Variants in ZNF672 observed in about 807,000 individuals in gnomAD.
ZNF672 encodes zinc finger protein 672.
For missense variants in ZNF672, 733 were observed against 701.1 expected (o/e 1.05, Z -0.51); for synonymous variants, 358 against 305.6 (o/e 1.17, Z -1.79).
chr1:248,848,011 A>G lies in ZNF672; in HGVS notation c.737A>G (p.Gln246Arg), dbSNP rs377475620. 72 of 1,556,666 alleles carry G rather than the reference A, an allele frequency of 4.6e-5. No individual in the cohort carries two copies. Among genetic ancestry groups the G allele is most frequent in the Non-Finnish European group, 5.6e-5 (64 of 1,151,412 alleles). The change falls in exon 4 of 4, where the codon CAG becomes CGG. Residue 246 changes from glutamine (Q) to arginine (R), a missense_variant. Coordinates refer to ENST00000306562, the MANE Select transcript of ZNF672 (RefSeq NM_024836.3). ...FLESATLVRH[Q>R]RTHTGEKPYA... is the part of the protein sequence containing the mutation. ...GAGAGCGCCACGCTGGTGCGCCACC[A>G]GCGCACACACACGGGCGAGAAGCCG...
chr1:248,848,192 G>C lies in ZNF672; in HGVS notation c.918G>C (p.Thr306=). ...SDLVVHQRIH[T]GEKPFACPEC... ...TGGTGGTGCACCAGCGCATCCACAC[G>C]GGCGAGAAGCCCTTCGCGTGCCCCG... is the stretch of plus-strand genomic sequence containing the variant. Residue 306 remains threonine, a synonymous_variant, in exon 4 of 4, where the codon ACG becomes ACC. Coordinates refer to ENST00000306562, the MANE Select transcript of ZNF672 (RefSeq NM_024836.3). The C allele has an allele frequency of 1.2e-6, 2 of 1,600,384 alleles. No homozygotes were observed. The highest frequency in any genetic ancestry group is 1.7e-6 in the Non-Finnish European group (2 of 1,176,950).
In ZNF672 at chr1:248,844,497, C is replaced by G. The variant is rs1018443806; in HGVS notation, c.-460C>G. ...TTTTCTTTCAGGTTTCCACTTCAAG[C>G]GTGACCCTTTTGCCTGTGGGATGAG... is the stretch of plus-strand genomic sequence containing the variant. On this transcript the variant is annotated 5_prime_UTR_variant, in exon 2 of 4. Transcript: ENST00000306562. 2.6e-5 allele frequency: 4 copies of G among 152,172 alleles called. No homozygotes were observed. The highest frequency in any genetic ancestry group is 6.5e-5 in the Admixed American group (1 of 15,270). 9.4% of individuals were successfully genotyped at this position (152,172 alleles called of 1,614,324 possible). A position where few individuals can be genotyped will look rare whatever the true frequency, so the allele number is the denominator to read the frequency against.
At position 248,847,826 on chromosome 1, in the gene ZNF672, C is replaced by T. The variant is rs1161183302; in HGVS notation, c.552C>T (p.Ile184=). The T allele has an allele frequency of 6.4e-7, 1 of 1,564,608 alleles. No homozygotes were observed. The highest frequency in any genetic ancestry group is 1.2e-5 in the South Asian group (1 of 86,758). ...SGAGLRSHAR[I]HVSRSPTRPR... ...CCGGGCTGCGGAGTCACGCGCGCAT[C>T]CACGTGTCCCGGAGCCCCACGCGAC... is the stretch of plus-strand genomic sequence containing the variant. Residue 184 remains isoleucine (I), a synonymous_variant, in exon 4 of 4, where the codon ATC becomes ATT. Transcript: ENST00000306562.
At chr1:248,839,435 C>G (rs1475610475) in intron 1 of ZNF672, 1 of 152,192 alleles carries the variant, frequency 6.6e-6, no homozygotes, top group African/African-American at 2.4e-5. Flanking sequence ...GAGTTCAAGA[C>G]CAGCCTGGGC....
At chr1:248,843,577 A>G (rs879682048) in intron 1 of ZNF672, among the ~76,000 whole-genome samples, 1 of 152,226 alleles carries the variant, frequency 6.6e-6, no homozygotes, top group Non-Finnish European at 1.5e-5. Context: ...CTCCTTTCAA[A>G]TGTTCCAGGA....
rs1262224898 is a variant in ZNF672 at position 248,847,547 on chromosome 1, A to C, written c.273A>C (p.Ala91=). The C allele has an allele frequency of 1.1e-5, 18 of 1,589,506 alleles. No individual in the cohort carries two copies. The highest frequency in any genetic ancestry group is 1.5e-5 in the Non-Finnish European group (18 of 1,169,950). The change falls in exon 4 of 4, where the codon GCA becomes GCC. Residue 91 remains alanine (A), a synonymous_variant. Transcript: ENST00000306562. ...HSGRLDLHLG[A]HRQRCRTCPC... Reference sequence around the variant, plus strand: ...GCCGTCTTGACCTACACTTGGGCGCACACCGGCAGCGATGCCGCACTTGCC... The same window carrying C: ...GCCGTCTTGACCTACACTTGGGCGCCCACCGGCAGCGATGCCGCACTTGCC...
chr1:248,849,213 C>T lies in ZNF672; in HGVS notation c.*580C>T, dbSNP rs1659288793. 2.4e-6 allele frequency: 1 copy of T among 410,816 alleles called. No homozygotes were observed. The highest frequency in any genetic ancestry group is 2.9e-5 in the Admixed American group (1 of 34,848). The allele number at this position is 410,816 out of a possible 1,614,324, so 25.4% of individuals were successfully genotyped here. Reference sequence around the variant, plus strand: ...AAGGATGTCTCCATGCTAGGAGCTGCCTGCACCCTGGCAGAGGTGGCCAGT... The same window carrying T: ...AAGGATGTCTCCATGCTAGGAGCTGTCTGCACCCTGGCAGAGGTGGCCAGT... On this transcript the variant is annotated 3_prime_UTR_variant, in exon 4 of 4. Coordinates refer to ENST00000306562, the MANE Select transcript of ZNF672 (RefSeq NM_024836.3).
rs1664770726 is a variant in ZNF672 at position 248,846,986 on chromosome 1, GT to G, written c.-223-64del. 1.4e-5 allele frequency: 6 copies of G among 424,240 alleles called. No individual in the cohort carries two copies. The Admixed American group carries it at 1.5e-4, about 11-fold the overall frequency. 26.3% of individuals were successfully genotyped at this position (424,240 alleles called of 1,614,324 possible). On this transcript the variant is annotated intron_variant, in intron 3 of 3. Coordinates refer to ENST00000306562, the MANE Select transcript of ZNF672 (RefSeq NM_024836.3). ...CTAAAGAAGTTATAACAAATAGGGA[GT>G]TCGTGTTCCCCTCTCCATTCCTTAG...
In ZNF672 at chr1:248,849,260, CT is replaced by C; in HGVS notation, c.*629del. 2.6e-6 allele frequency: 1 copy of C among 387,924 alleles called. No homozygotes were observed. The highest frequency in any genetic ancestry group is 5.2e-6 in the Non-Finnish European group (1 of 191,560). The allele number at this position is 387,924 out of a possible 1,614,324, so 24.0% of individuals were successfully genotyped here. A position where few individuals can be genotyped will look rare whatever the true frequency, so the allele number is the denominator to read the frequency against. Reference sequence around the variant, plus strand: ...CAGTCACGTGAAGGTGGGCAGGGCCCTTAGCATGGCCACACATGTCCCCAGG... The same window carrying C: ...CAGTCACGTGAAGGTGGGCAGGGCCCTAGCATGGCCACACATGTCCCCAGG... On this transcript the variant is annotated 3_prime_UTR_variant, in exon 4 of 4. Transcript: ENST00000306562.
Position 248,847,223 on chromosome 1 carries a change from A to G in ZNF672, c.-52A>G. ...AGTAAAACTTAGCTGCAGCGTCAGG[A>G]GGTGGACCCCAGAGTGTGAGTGGCA... is the stretch of plus-strand genomic sequence containing the variant. On this transcript the variant is annotated 5_prime_UTR_variant, in exon 4 of 4. Coordinates refer to ENST00000306562, the MANE Select transcript of ZNF672 (RefSeq NM_024836.3). The G allele has an allele frequency of 6.4e-7, 1 of 1,567,810 alleles. No homozygotes were observed. Among genetic ancestry groups the G allele is most frequent in the South Asian group, 1.2e-5 (1 of 85,792 alleles).
In ZNF672 at chr1:248,849,400, A is replaced by C. The variant is rs1659294946; in HGVS notation, c.*767A>C. The C allele has an allele frequency of 3.2e-6, 1 of 307,792 alleles. No homozygotes were observed. The highest frequency in any genetic ancestry group is 6.7e-6 in the Non-Finnish European group (1 of 150,374). The allele number at this position is 307,792 out of a possible 1,614,324, so 19.1% of individuals were successfully genotyped here. A position where few individuals can be genotyped will look rare whatever the true frequency, so the allele number is the denominator to read the frequency against. ...AAAGCCAGGCACTGCCAAGTGGAAC[A>C]TGAGGTTATTTCCAAATCATGGGAG... is the stretch of plus-strand genomic sequence containing the variant. On this transcript the variant is annotated 3_prime_UTR_variant, in exon 4 of 4. Coordinates refer to ENST00000306562, the MANE Select transcript of ZNF672 (RefSeq NM_024836.3).
Position 248,838,444 on chromosome 1 carries a change from G to C in ZNF672, c.-582G>C, listed in dbSNP as rs903706555. ...CCCCCACTCGGAGGCCGCGCGCGCCGTTAGCCCCTTCCTCGCTCCCCCGCC... is the reference window on the plus strand; with the variant it reads ...CCCCCACTCGGAGGCCGCGCGCGCCCTTAGCCCCTTCCTCGCTCCCCCGCC... On this transcript the variant is annotated 5_prime_UTR_variant, in exon 1 of 4. Coordinates refer to ENST00000306562, the MANE Select transcript of ZNF672 (RefSeq NM_024836.3). The C allele has an allele frequency of 1.3e-5, 2 of 152,242 alleles. No homozygotes were observed. The highest frequency in any genetic ancestry group is 2.9e-5 in the Non-Finnish European group (2 of 68,090). 9.4% of individuals were successfully genotyped at this position (152,242 alleles called of 1,614,324 possible).
In ZNF672 at chr1:248,842,567, G is replaced by C. The variant is rs370024718; in HGVS notation, c.-474-1916G>C. 3.3e-4 allele frequency among the ~76,000 whole-genome samples: 51 copies of C among 152,244 alleles called. 1 individual carries two copies. The East Asian group carries it at 8.5e-3, about 25-fold the overall frequency. ...GGTGGCCTCTCTGAGAAAGGGTAGA[G>C]AGTCTTGAATGAAGGAGTGAGAGAG... On this transcript the variant is annotated intron_variant, in intron 1 of 3. Coordinates refer to ENST00000306562, the MANE Select transcript of ZNF672 (RefSeq NM_024836.3).
chr1:248,849,516 G>C lies in ZNF672; in HGVS notation c.*883G>C. 3.9e-6 allele frequency: 1 copy of C among 256,720 alleles called. No individual in the cohort carries two copies. The highest frequency in any genetic ancestry group is 8.2e-6 in the Non-Finnish European group (1 of 122,636). 15.9% of individuals were successfully genotyped at this position (256,720 alleles called of 1,614,324 possible). On this transcript the variant is annotated 3_prime_UTR_variant, in exon 4 of 4. Transcript: ENST00000306562. ...GTGAAATAAAGTTGTTTGAGTACTAGATGCCAAGTGCCGCCTTTATCAAAC... is the reference window on the plus strand; with the variant it reads ...GTGAAATAAAGTTGTTTGAGTACTACATGCCAAGTGCCGCCTTTATCAAAC...
intron 1 of ZNF672, among the ~76,000 whole-genome samples, chr1:248,842,246 C>G (rs1427078930): frequency 6.6e-6 from 1 of 152,120 alleles, no homozygotes; most frequent in Non-Finnish European, 1.5e-5. Flanking sequence ...TTCAGTCGGA[C>G]ATGTCTAAGG....
rs1327441290 is a variant in ZNF672 at position 248,847,442 on chromosome 1, C to T, written c.168C>T (p.Asp56=). 6.3e-7 allele frequency: 1 copy of T among 1,590,542 alleles called. No individual in the cohort carries two copies. The highest frequency in any genetic ancestry group is 8.6e-7 in the Non-Finnish European group (1 of 1,168,494). ...ECGERCARAA[D]LRAHRRTHAG... ...GTGAGCGCTGTGCACGGGCTGCTGA[C>T]CTCCGAGCGCACAGGCGCACGCATG... Residue 56 remains aspartate (D), a synonymous_variant, in exon 4 of 4, where the codon GAC becomes GAT. Transcript: ENST00000306562.
rs766371850 is a variant in ZNF672, at chr1:248,848,538, A to C, written c.1264A>C (p.Thr422Pro). 6.3e-6 allele frequency: 10 copies of C among 1,597,918 alleles called. No homozygotes were observed. The highest frequency in any genetic ancestry group is 8.5e-6 in the Non-Finnish European group (10 of 1,171,504). The change falls in exon 4 of 4, where the codon ACC (threonine) becomes CCC (proline). Residue 422 changes from threonine (T) to proline (P), a missense_variant. Physicochemically the swap from Thr to Pro is conservative, Grantham distance 38. Transcript: ENST00000306562. ...QHQRAHTRAR[T>P]AAAVAIQSAV... ...TCAGCGGGCCCACACGCGCGCCCGC[A>C]CCGCTGCCGCCGTTGCCATCCAGTC...
chr1:248,847,900 G>A lies in ZNF672; in HGVS notation c.626G>A (p.Gly209Asp). The change falls in exon 4 of 4, where the codon GGC becomes GAC. Residue 209 changes from glycine (G) to aspartate (D), a missense_variant. Physicochemically the swap from Gly to Asp is moderately conservative, Grantham distance 94 (BLOSUM62 -1). Coordinates refer to ENST00000306562, the MANE Select transcript of ZNF672 (RefSeq NM_024836.3). ...TGTGGCGTGTGCGGCAAGTGCTTTG[G>A]CAAGAGCTCTACGCTGACGCGACAC... ...HQCGVCGKCF[G>D]KSSTLTRHLQ... 1 of 1,588,678 alleles carries A rather than the reference G, an allele frequency of 6.3e-7. No homozygotes were observed. Among genetic ancestry groups the A allele is most frequent in the Non-Finnish European group, 8.5e-7 (1 of 1,169,790 alleles).
Position 248,848,226 on chromosome 1 carries a change from C to T in ZNF672, c.952C>T (p.Arg318Cys), listed in dbSNP as rs757104681. ...GCCCTTCGCGTGCCCCGAGTGCGGC[C>T]GCCGCTTCAGCGACCGCTCGGACCT... ...EKPFACPECGRRFSDRSDLTK... is the reference protein window; with the variant it reads ...EKPFACPECGCRFSDRSDLTK... The change falls in exon 4 of 4, where the codon CGC (arginine) becomes TGC (cysteine). Residue 318 changes from arginine to cysteine, a missense_variant. By Grantham distance (180) the Arg-to-Cys change is radical. Coordinates refer to ENST00000306562, the MANE Select transcript of ZNF672 (RefSeq NM_024836.3). 1.1e-5 allele frequency: 17 copies of T among 1,599,834 alleles called. No homozygotes were observed. The highest frequency in any genetic ancestry group is 9.9e-5 in the South Asian group (9 of 90,656).
Sources: gnomAD v4.1 joint callset for allele counts (sites outside exome capture counted in the v4.1 genomes callset) on GRCh38, gnomAD v4.1.1 for gene constraint, MANE v1.5 for transcripts, NCBI Gene and HGNC (gene_info 2026-07-23, HGNC 2026-07-21) for gene names.